The following DCAF10 variants were observed in gnomAD, a reference collection of about 807,000 sequenced individuals.
DCAF10 encodes DDB1- and CUL4-associated factor 10.
A neutral mutation model predicts 51.9 loss-of-function variants in DCAF10; 19 were observed. That is an observed-to-expected ratio of 0.37 (90% CI 0.26 to 0.54). DCAF10 has a LOEUF of 0.54. Ranked by LOEUF, DCAF10 falls within the 20% of genes least tolerant of loss-of-function variation. DCAF10 has a pLI of 0.87. For missense variants in DCAF10, 510 were observed against 730.6 expected (o/e 0.70, Z 3.48); for synonymous variants, 291 against 297.1 (o/e 0.98, Z 0.21).
chr9:37,804,840 C>G (rs1439617457), intron 1 of DCAF10, among the ~76,000 whole-genome samples: 1 of 151,742 alleles, frequency 6.6e-6, no homozygotes, highest in Non-Finnish European at 1.5e-5. Context: ...GCCAATTAGT[C>G]TTCAACCATA....
In DCAF10 at chr9:37,800,823, G is replaced by A. The variant is rs1280470859; in HGVS notation, c.-44G>A. ...GCTGAACAGGGGCACTGAGGTGTCGGCCGGCGGGGCAGTGGCCCGGAGCGG... is the reference window on the plus strand; with the variant it reads ...GCTGAACAGGGGCACTGAGGTGTCGACCGGCGGGGCAGTGGCCCGGAGCGG... On this transcript the variant is annotated 5_prime_UTR_variant, in exon 1 of 7. Transcript: ENST00000377724. 2.7e-6 allele frequency: 4 copies of A among 1,490,878 alleles called. No homozygotes were observed. The highest frequency in any genetic ancestry group is 1.4e-5 in the African/African-American group (1 of 71,746). 92.4% of individuals were successfully genotyped at this position (1,490,878 alleles called of 1,614,324 possible). A position where few individuals can be genotyped will look rare whatever the true frequency, so the allele number is the denominator to read the frequency against.
At chr9:37,831,267 G>A (rs145328806) in intron 2 of DCAF10, among the ~76,000 whole-genome samples, 26 of 152,250 alleles carry the variant, frequency 1.7e-4, no homozygotes, top group Non-Finnish European at 3.7e-4. Flanking sequence ...TGGTGCATGA[G>A]CTCAAGTGTG....
In DCAF10 at chr9:37,854,841, A is replaced by ACAT. The variant is rs1830799489; in HGVS notation, c.913_914insCAT (p.Arg305delinsThrTrp). ...TCACACACGTTTTCTCATGCGAATGAGGTTAACACCAGATTGTTCCAAAAT... is the reference window on the plus strand; with the variant it reads ...TCACACACGTTTTCTCATGCGAATGACATGGTTAACACCAGATTGTTCCAAAAT... On this transcript the variant is annotated protein_altering_variant, in exon 4 of 7. Transcript: ENST00000377724. The ACAT allele has an allele frequency of 6.2e-7, 1 of 1,613,962 alleles. No individual in the cohort carries two copies. Among genetic ancestry groups the ACAT allele is most frequent in the African/African-American group, 1.3e-5 (1 of 74,920 alleles).
rs1033196405 is a variant in DCAF10 at position 37,813,546 on chromosome 9, A to T, written c.540-5742A>T. ...ACAATGATTGTCAGATCAGATTTTT[A>T]AAAACTGCTTACAGAAGACATACCT... On this transcript the variant is annotated intron_variant, in intron 1 of 6. Coordinates refer to ENST00000377724, the MANE Select transcript of DCAF10 (RefSeq NM_024345.5). Among the ~76,000 whole-genome samples, 4 of 152,244 alleles carry T rather than the reference A, an allele frequency of 2.6e-5. No homozygotes were observed. The East Asian group carries it at 7.7e-4, about 29-fold the overall frequency.
At chr9:37,858,028 G>A (rs1399066898) in intron 5 of DCAF10, among the ~76,000 whole-genome samples, 1 of 150,812 alleles carries the variant, frequency 6.6e-6, no homozygotes, top group African/African-American at 2.5e-5. Flanking sequence ...AAGAGCCAGA[G>A]ATGGCTTGCT....
Position 37,829,874 on chromosome 9 carries a change from G to A in DCAF10, c.653+10473G>A, listed in dbSNP as rs1226962734. ...ATTTAAAAATTAGCCAGGTGTAGTT[G>A]CACGTGCCTATAGTCCCAGCTACTT... On this transcript the variant is annotated intron_variant, in intron 2 of 6. Coordinates refer to ENST00000377724, the MANE Select transcript of DCAF10 (RefSeq NM_024345.5). The surrounding 1 kb of genome is among the most constrained non-coding windows in gnomAD (Gnocchi z 4.2). Among the ~76,000 whole-genome samples the A allele has an allele frequency of 6.6e-6, 1 of 151,944 alleles. No homozygotes were observed. Among genetic ancestry groups the A allele is most frequent in the South Asian group, 2.1e-4 (1 of 4,820 alleles).
chr9:37,801,483 T>G lies in DCAF10; in HGVS notation c.539+78T>G. ...CAGCGGACGGCCGTCCTGGGCTCGC[T>G]CCCCGCGCCCGGGCCGAGGTTAGCG... On this transcript the variant is annotated intron_variant, in intron 1 of 6. Coordinates refer to ENST00000377724, the MANE Select transcript of DCAF10 (RefSeq NM_024345.5). This position sits in a 1 kb window ranked among gnomAD's most constrained non-coding sequence, Gnocchi z 5.5. 2 of 1,332,276 alleles carry G rather than the reference T, an allele frequency of 1.5e-6. No homozygotes were observed. Among genetic ancestry groups the G allele is most frequent in the Non-Finnish European group, 1.9e-6 (2 of 1,039,782 alleles). The allele number at this position is 1,332,276 out of a possible 1,614,324, so 82.5% of individuals were successfully genotyped here.
At position 37,801,778 on chromosome 9, in the gene DCAF10, G is replaced by C. The variant is rs924160759; in HGVS notation, c.539+373G>C. On this transcript the variant is annotated intron_variant, in intron 1 of 6. Coordinates refer to ENST00000377724, the MANE Select transcript of DCAF10 (RefSeq NM_024345.5). This position sits in a 1 kb window ranked among gnomAD's most constrained non-coding sequence, Gnocchi z 5.5. ...GCTTTCTCCCCATCATCCTAGGCTC[G>C]CGTTTTCCTACCTAAACCTGTGTCG... is the stretch of plus-strand genomic sequence containing the variant. 2.0e-5 allele frequency among the ~76,000 whole-genome samples: 3 copies of C among 152,140 alleles called. No individual in the cohort carries two copies. Among genetic ancestry groups the C allele is most frequent in the Admixed American group, 2.0e-4 (3 of 15,280 alleles).
chr9:37,813,074 A>T (rs897156048), intron 1 of DCAF10, among the ~76,000 whole-genome samples: 1 of 152,144 alleles, frequency 6.6e-6, no homozygotes, highest in Non-Finnish European at 1.5e-5. Context: ...AACATACTAA[A>T]TAGCATATGG....
At chr9:37,800,658 G>C, upstream of DCAF10, 1 of 1,536,002 alleles carries the variant, frequency 6.5e-7, no homozygotes, top group Non-Finnish European at 8.7e-7. Context: ...GTAACTACTC[G>C]CTCCCTACCT....
chr9:37,841,940 T>C (rs1415796006), intron 2 of DCAF10, 149 bp from the exon 3 acceptor site: 8 of 587,026 alleles, frequency 1.4e-5, no homozygotes, highest in Non-Finnish European at 2.0e-5. Flanking sequence ...ATACTTTTTA[T>C]AGTATATCAG....
chr9:37,842,407 A>G (rs949595487), intron 3 of DCAF10, 121 bp downstream of exon 3: 33 of 932,960 alleles, frequency 3.5e-5, no homozygotes, highest in Middle Eastern at 3.5e-4. Context: ...AAAGCAACCA[A>G]AAAGTGATGA....
At chr9:37,831,661 C>T (rs556654365) in intron 2 of DCAF10, among the ~76,000 whole-genome samples, 11 of 152,274 alleles carry the variant, frequency 7.2e-5, no homozygotes, top group African/African-American at 2.2e-4. Context: ...TTGGTAGTTA[C>T]GGACAATATT....
intron 1 of DCAF10, among the ~76,000 whole-genome samples, chr9:37,808,919 C>A (rs902875382): frequency 6.8e-6 from 1 of 148,116 alleles, no homozygotes; most frequent in Non-Finnish European, 1.5e-5. Flanking sequence ...TCAAGACCAG[C>A]CTGGGCAAGG....
intron 3 of DCAF10, among the ~76,000 whole-genome samples, chr9:37,843,887 A>T (rs1286679301): frequency 6.6e-6 from 1 of 152,200 alleles, no homozygotes; most frequent in East Asian, 1.9e-4. Context: ...AATAAAACAG[A>T]ACTGTATTTT....
intron 1 of DCAF10, among the ~76,000 whole-genome samples, chr9:37,814,287 T>C (rs934836104): frequency 7.0e-6 from 1 of 143,704 alleles, no homozygotes; most frequent in Non-Finnish European, 1.5e-5. Context: ...TACAGGCATG[T>C]GCCACCACGC....
intron 3 of DCAF10, among the ~76,000 whole-genome samples, chr9:37,851,297 C>T (rs1450338943): frequency 6.6e-6 from 1 of 152,004 alleles, no homozygotes; most frequent in Non-Finnish European, 1.5e-5. Flanking sequence ...ATCCTCCTAC[C>T]TCAGCCTCTC....
In DCAF10 at chr9:37,860,086, G is replaced by A. The variant is rs200799604; in HGVS notation, c.1204G>A (p.Glu402Lys). ...PRNSLEVVTP[E>K]VLGESDHGNC... ...AAATAGTCTTGAAGTCGTAACCCCT[G>A]AAGTTCTTGGTGAGAGTGACCACGG... The change falls in exon 6 of 7, where the codon GAA becomes AAA. Residue 402 changes from glutamate to lysine, a missense_variant. By Grantham distance (56) the Glu-to-Lys change is moderately conservative. Transcript: ENST00000377724. The A allele has an allele frequency of 3.1e-6, 5 of 1,614,108 alleles. No homozygotes were observed. The East Asian group carries it at 1.1e-4, about 36-fold the overall frequency.
intron 1 of DCAF10, among the ~76,000 whole-genome samples, chr9:37,806,249 C>T (rs72724165): frequency 1.3e-5 from 2 of 152,182 alleles, no homozygotes; most frequent in Non-Finnish European, 2.9e-5. Context: ...CAGTTACTGT[C>T]CCAAGCCTGT....
Sources: allele counts gnomAD v4.1 joint callset (sites outside exome capture counted in the v4.1 genomes callset), GRCh38; gene constraint gnomAD v4.1.1; non-coding constraint Gnocchi (gnomAD v3.1); transcripts MANE v1.5; gene names NCBI Gene and HGNC (gene_info 2026-07-23, HGNC 2026-07-21).